POFUT3: variants seen among roughly 807,000 people sequenced by gnomAD.
POFUT3 encodes protein O-fucosyltransferase 3.
the POFUT3 span, among the ~76,000 whole-genome samples, chr8:33,349,014 C>A: frequency 3.3e-5 from 5 of 152,226 alleles, no homozygotes; most frequent in African/African-American, 1.2e-4. Context: ...ACTGTATGAA[C>A]TTCATCTGAG....
At chr8:33,321,259 T>C in the POFUT3 span, among the ~76,000 whole-genome samples, 1 of 152,168 alleles carries the variant, frequency 6.6e-6, no homozygotes, top group Non-Finnish European at 1.5e-5. Flanking sequence ...GAAAGTTCTC[T>C]GGCTTATAAA....
At chr8:33,458,263 A>T in the POFUT3 span, among the ~76,000 whole-genome samples, 1 of 18,100 alleles carries the variant, frequency 5.5e-5, no homozygotes, top group Non-Finnish European at 1.2e-4. Context: ...CCTGAACTGT[A>T]AAAAAAAAAT....
chr8:33,446,885 G>A, the POFUT3 span, among the ~76,000 whole-genome samples: 1 of 152,156 alleles, frequency 6.6e-6, no homozygotes, highest in African/African-American at 2.4e-5. Flanking sequence ...ACCCTTGAGA[G>A]GCCCTGCCTG....
chr8:33,388,127 C>T, the POFUT3 span, among the ~76,000 whole-genome samples: 1 of 152,032 alleles, frequency 6.6e-6, no homozygotes, highest in Non-Finnish European at 1.5e-5. Context: ...ACCATTATTT[C>T]AGTAGTTTCT....
chr8:33,324,116 A>C, the POFUT3 span, among the ~76,000 whole-genome samples: 2 of 152,126 alleles, frequency 1.3e-5, no homozygotes, highest in Non-Finnish European at 2.9e-5. Context: ...TTTCCATCCC[A>C]GTCAGCTGGG....
the POFUT3 span, among the ~76,000 whole-genome samples, chr8:33,428,736 T>C: frequency 6.6e-6 from 1 of 152,184 alleles, no homozygotes; most frequent in African/African-American, 2.4e-5. Context: ...ATGCCAATGA[T>C]AAAAGGGTTT....
chr8:33,421,656 G>A, the POFUT3 span, among the ~76,000 whole-genome samples: 1 of 152,176 alleles, frequency 6.6e-6, no homozygotes, highest in Admixed American at 6.5e-5. Flanking sequence ...TGCAGTGCTG[G>A]ACAGAAGTCT....
the POFUT3 span, among the ~76,000 whole-genome samples, chr8:33,465,599 A>G: frequency 6.6e-6 from 1 of 152,040 alleles, no homozygotes; most frequent in Non-Finnish European, 1.5e-5. Context: ...GGTAGCTGGG[A>G]CTACAGGCGC....
the POFUT3 span, among the ~76,000 whole-genome samples, chr8:33,335,151 A>ATGTGTG: frequency 0.024 from 3,448 of 145,838 alleles, 104 homozygotes; most frequent in African/African-American, 0.064. Flanking sequence ...AAAGAAATAT[A>ATGTGTG]TGTGTGTGTG....
At chr8:33,427,731 C>T in the POFUT3 span, among the ~76,000 whole-genome samples, 1 of 152,200 alleles carries the variant, frequency 6.6e-6, no homozygotes, top group Non-Finnish European at 1.5e-5. Flanking sequence ...ATCTCAAAAC[C>T]TGTTGTCTTT....
At chr8:33,348,396 T>C in the POFUT3 span, among the ~76,000 whole-genome samples, 6,262 of 152,114 alleles carry the variant, frequency 0.041, 401 homozygotes, top group African/African-American at 0.14. Flanking sequence ...AGCCAGAATG[T>C]AGAATTTCAA....
At chr8:33,412,122 A>G in the POFUT3 span, among the ~76,000 whole-genome samples, 26 of 152,202 alleles carry the variant, frequency 1.7e-4, no homozygotes, top group Admixed American at 1.6e-3. Context: ...CGGAACACAC[A>G]TTTTCATCTT....
the POFUT3 span, among the ~76,000 whole-genome samples, chr8:33,324,659 T>C: frequency 1.2e-4 from 18 of 152,066 alleles, no homozygotes; most frequent in Non-Finnish European, 2.4e-4. Context: ...CTTTTAAAAG[T>C]CCCTGGAACA....
chr8:33,309,153 AAAAAAAAAAAAAAAATATAT>A, the POFUT3 span, among the ~76,000 whole-genome samples: 2 of 44,186 alleles, frequency 4.5e-5, no homozygotes, highest in Admixed American at 4.5e-4. Flanking sequence ...AAAAAAAAAA[AAAAAAAAAAAAAAAATATAT>A]ATATATATAT....
At chr8:33,431,597 A>G in the POFUT3 span, among the ~76,000 whole-genome samples, 2 of 146,596 alleles carry the variant, frequency 1.4e-5, no homozygotes, top group African/African-American at 4.9e-5. Context: ...GAATATCCTA[A>G]TTGCATAATT....
the POFUT3 span, among the ~76,000 whole-genome samples, chr8:33,383,316 T>C: frequency 6.6e-6 from 1 of 152,206 alleles, no homozygotes; most frequent in East Asian, 1.9e-4. Context: ...GTACCAGGAG[T>C]GGCGCTAAAG....
At chr8:33,311,022 G>A in the POFUT3 span, among the ~76,000 whole-genome samples, 11 of 152,088 alleles carry the variant, frequency 7.2e-5, no homozygotes, top group Non-Finnish European at 1.5e-5. Flanking sequence ...TTTATCTTGG[G>A]GCTGGTACCC....
At chr8:33,309,167 A>AAAAAAT in the POFUT3 span, among the ~76,000 whole-genome samples, 16 of 53,682 alleles carry the variant, frequency 3.0e-4, no homozygotes, top group African/African-American at 7.3e-4. Flanking sequence ...AAAAAAAAAA[A>AAAAAAT]ATATATATAT....
At chr8:33,308,117 AT>A in the POFUT3 span, among the ~76,000 whole-genome samples, 26 of 152,214 alleles carry the variant, frequency 1.7e-4, no homozygotes, top group Non-Finnish European at 3.2e-4. Flanking sequence ...TGATAACAAC[AT>A]GAAAGCTGGA....
Sources: gnomAD v4.1 joint callset for allele counts (sites outside exome capture counted in the v4.1 genomes callset) on GRCh38, gnomAD v4.1.1 for gene constraint, MANE v1.5 for transcripts, NCBI Gene and HGNC (gene_info 2026-07-23, HGNC 2026-07-21) for gene names.